DCC: variants seen among roughly 807,000 people sequenced by gnomAD.
The protein encoded by DCC is DCC netrin 1 receptor, also known as netrin receptor DCC.
DCC carries 58 observed loss-of-function variants against 172.5 expected under a neutral mutation model. The observed-to-expected ratio is 0.34, with a 90% confidence interval of 0.27 to 0.42. DCC has a LOEUF of 0.42. Among genes scored for constraint, DCC ranks in the 10% least tolerant of loss-of-function variants. The probability of loss-of-function intolerance (pLI) is 1.00; values close to 1 mark genes in which losing one functional copy is unlikely to be tolerated. For missense variants in DCC, 1,740 were observed against 1,791.0 expected, an observed-to-expected ratio of 0.97 and a Z score of 0.51; for synonymous variants, 709 against 644.5, an observed-to-expected ratio of 1.10 and a Z score of -1.52.
At chr18:53,526,937 T>C in intron 28 of DCC, 178 bp downstream of exon 28, 2 of 658,534 alleles carry the variant, frequency 3.0e-6, no homozygotes, top group East Asian at 2.8e-5. Context: ...AAATAAAAGC[T>C]ATGAAAAAAA....
chr18:53,129,657 T>C (rs895919466), intron 7 of DCC, among the ~76,000 whole-genome samples: 14 of 152,144 alleles, frequency 9.2e-5, no homozygotes, highest in African/African-American at 3.4e-4. Flanking sequence ...TGTGTACCAA[T>C]ACTTCATTCT....
intron 1 of DCC, among the ~76,000 whole-genome samples, chr18:52,579,506 T>G (rs182961676): frequency 1.3e-5 from 2 of 152,118 alleles, no homozygotes; most frequent in East Asian, 3.9e-4. Context: ...GTGATAAATC[T>G]TTTATTGTGT....
rs1376641873 is a variant in DCC, at chr18:53,530,584, G to C, written c.4275G>C (p.Leu1425=). The C allele has an allele frequency of 6.3e-7, 1 of 1,583,876 alleles. No homozygotes were observed. The highest frequency in any genetic ancestry group is 1.3e-5 in the African/African-American group (1 of 74,258). Residue 1425 remains leucine, a synonymous_variant, in exon 29 of 29, where the codon CTG becomes CTC. Coordinates refer to ENST00000442544, the MANE Select transcript of DCC (RefSeq NM_005215.4). ...TATAGGTGTATGAACAGGATGATCT[G>C]AGTGAACAAATGGCAAGTTTGGAAG... ...DSANVYEQDD[L]SEQMASLEGL...
chr18:52,770,074 C>A (rs1277802368), intron 2 of DCC, among the ~76,000 whole-genome samples: 2 of 152,188 alleles, frequency 1.3e-5, no homozygotes, highest in Non-Finnish European at 2.9e-5. Context: ...GGATGATTTT[C>A]CACTGCTTTT....
chr18:52,433,462 C>G (rs1987689640), intron 1 of DCC, among the ~76,000 whole-genome samples: 1 of 152,070 alleles, frequency 6.6e-6, no homozygotes, highest in South Asian at 2.1e-4. Context: ...ATTCAGTGCT[C>G]TTTATAATAC....
chr18:52,778,532 A>T (rs1337221584), intron 2 of DCC, among the ~76,000 whole-genome samples: 1 of 152,176 alleles, frequency 6.6e-6, no homozygotes, highest in East Asian at 1.9e-4. Context: ...AATCATACTC[A>T]ATAGACCCTT....
intron 12 of DCC, among the ~76,000 whole-genome samples, chr18:53,278,817 C>G (rs117443029): frequency 4.0e-4 from 61 of 152,228 alleles, no homozygotes; most frequent in Middle Eastern, 3.4e-3. Context: ...TTGTTACTCC[C>G]ATTGTGTGGC....
chr18:52,562,019 G>A lies in DCC; in HGVS notation c.92-190035G>A, dbSNP rs1568230289. ...ATCCTTAGCCCTACATTAAAGTGCT[G>A]TACAGAAGACAGAGACATAGCAAAG... On this transcript the variant is annotated intron_variant, in intron 1 of 28. Transcript: ENST00000442544. 2.6e-5 allele frequency among the ~76,000 whole-genome samples: 4 copies of A among 152,120 alleles called. 1 individual carries two copies. The highest frequency in any genetic ancestry group is 9.7e-5 in the African/African-American group (4 of 41,426).
At chr18:53,273,554 G>T (rs569266480) in intron 12 of DCC, among the ~76,000 whole-genome samples, 16 of 152,148 alleles carry the variant, frequency 1.1e-4, no homozygotes, top group Non-Finnish European at 2.1e-4. Context: ...TTGATACTCA[G>T]TTCCACTTTA....
chr18:52,702,443 C>T (rs576723247), intron 1 of DCC, among the ~76,000 whole-genome samples: 1 of 152,278 alleles, frequency 6.6e-6, no homozygotes, highest in South Asian at 2.1e-4. Context: ...TAATACACCC[C>T]TGAGTATGGT....
intron 2 of DCC, among the ~76,000 whole-genome samples, chr18:52,788,581 A>G (rs1029126205): frequency 4.6e-5 from 7 of 152,220 alleles, no homozygotes; most frequent in Admixed American, 2.6e-4. Flanking sequence ...GAGCTAAAAA[A>G]TATTTTAAGT....
At chr18:52,620,729 A>T (rs1254108313) in intron 1 of DCC, among the ~76,000 whole-genome samples, 1 of 152,154 alleles carries the variant, frequency 6.6e-6, no homozygotes, top group East Asian at 1.9e-4. Flanking sequence ...TAAGTAGACG[A>T]TGTCGGAGGA....
chr18:52,924,061 C>G (rs575150284), intron 4 of DCC, among the ~76,000 whole-genome samples: 2 of 152,000 alleles, frequency 1.3e-5, no homozygotes, highest in Non-Finnish European at 2.9e-5. Context: ...GATCAAAATC[C>G]ATGGGATCAA....
intron 1 of DCC, among the ~76,000 whole-genome samples, chr18:52,584,408 A>AAGAGAG (rs368208850): frequency 2.0e-5 from 3 of 151,380 alleles, no homozygotes; most frequent in Non-Finnish European, 4.4e-5. Context: ...GAGAAAGAGA[A>AAGAGAG]AGAGAGAGAG....
At chr18:52,606,317 A>C (rs1023604028) in intron 1 of DCC, among the ~76,000 whole-genome samples, 5 of 152,134 alleles carry the variant, frequency 3.3e-5, no homozygotes, top group African/African-American at 7.2e-5. Context: ...CTATTAAAAA[A>C]AACAACAAAA....
intron 5 of DCC, among the ~76,000 whole-genome samples, chr18:53,054,445 T>C (rs983362867): frequency 1.3e-5 from 2 of 152,148 alleles, no homozygotes; most frequent in Non-Finnish European, 2.9e-5. Flanking sequence ...CAATAGCACA[T>C]GAATTATTTC....
chr18:52,515,436 T>C (rs962193470), intron 1 of DCC, among the ~76,000 whole-genome samples: 7 of 150,324 alleles, frequency 4.7e-5, no homozygotes, highest in African/African-American at 1.2e-4. Flanking sequence ...TAAAACCCTG[T>C]CTCTACTAAA....
At chr18:52,989,739 T>C (rs978081989) in intron 5 of DCC, among the ~76,000 whole-genome samples, 1 of 152,204 alleles carries the variant, frequency 6.6e-6, no homozygotes, top group Non-Finnish European at 1.5e-5. Context: ...GTAAAAGTTA[T>C]AATGACATAA....
At chr18:53,245,573 T>G (rs2056355959) in intron 12 of DCC, among the ~76,000 whole-genome samples, 1 of 152,110 alleles carries the variant, frequency 6.6e-6, no homozygotes, top group Non-Finnish European at 1.5e-5. Flanking sequence ...CAGAAAAACA[T>G]CAGATATGTC....
Sources: gnomAD v4.1 joint callset for allele counts (sites outside exome capture counted in the v4.1 genomes callset) on GRCh38, gnomAD v4.1.1 for gene constraint, MANE v1.5 for transcripts, NCBI Gene and HGNC (gene_info 2026-07-23, HGNC 2026-07-21) for gene names.